MAPT: variants seen among roughly 807,000 people sequenced by gnomAD.
The protein encoded by MAPT is microtubule associated protein tau.
Under a neutral mutation model 67.9 loss-of-function variants are expected in MAPT, and 34 were observed. That is an observed-to-expected ratio of 0.50 (90% CI 0.38 to 0.67). The LOEUF (loss-of-function observed/expected upper bound fraction) is 0.67, where lower values mean the gene tolerates loss of function less well. Among genes scored for constraint, MAPT ranks in the 30% least tolerant of loss-of-function variants. The probability of loss-of-function intolerance (pLI) is 0.00; values close to 1 mark genes in which losing one functional copy is unlikely to be tolerated. For missense variants in MAPT, 881 were observed against 1,115.2 expected, an observed-to-expected ratio of 0.79 and a Z score of 2.99; for synonymous variants, 456 against 464.5, an observed-to-expected ratio of 0.98 and a Z score of 0.23.
At chr17:45,917,060 G>A (rs998266992) in intron 1 of MAPT, among the ~76,000 whole-genome samples, 29 of 152,222 alleles carry the variant, frequency 1.9e-4, no homozygotes, top group African/African-American at 6.8e-4. Flanking sequence ...GACAGACTTC[G>A]GTCATGGGAA....
At position 45,915,018 on chromosome 17, in the gene MAPT, T is replaced by C. The variant is rs2065081310; in HGVS notation, c.-18+20332T>C. 6.6e-6 allele frequency among the ~76,000 whole-genome samples: 1 copy of C among 152,112 alleles called. No individual in the cohort carries two copies. Among genetic ancestry groups the C allele is most frequent in the Admixed American group, 6.6e-5 (1 of 15,258 alleles). ...AACGTGAGTCACCCTGCCCAGCCAA[T>C]TGCTTTTTAAAAAAGATTAAATGCA... On this transcript the variant is annotated intron_variant, in intron 1 of 12. Coordinates refer to ENST00000262410, the MANE Select transcript of MAPT (RefSeq NM_001377265.1). This position sits in a 1 kb window ranked among gnomAD's most constrained non-coding sequence, Gnocchi z 4.4.
Position 46,024,100 on chromosome 17 carries a change from A to C in MAPT, c.2431A>C (p.Met811Leu). The stretch of plus-strand genomic sequence containing the variant: ...TGTCTCCTCCACCGGCAGCATCGAC[A>C]TGGTAGACTCGCCCCAGCTCGCCAC... ...SNVSSTGSID[M>L]VDSPQLATLA... Residue 811 changes from methionine to leucine, a missense_variant, in exon 13 of 13, where the codon ATG becomes CTG. Physicochemically the swap from Met to Leu is conservative, Grantham distance 15 (BLOSUM62 2). Around this residue, in one of 6 missense-constraint regions of MAPT, gnomAD observed 79 missense variants for 150.9 expected, o/e 0.52. Coordinates refer to ENST00000262410, the MANE Select transcript of MAPT (RefSeq NM_001377265.1). 6.2e-7 allele frequency: 1 copy of C among 1,614,154 alleles called. No homozygotes were observed.
chr17:45,962,515 A>G (rs201639461), intron 2 of MAPT, 45 bp downstream of exon 2: 1 of 1,609,630 alleles, frequency 6.2e-7, no homozygotes, highest in African/African-American at 1.3e-5. Flanking sequence ...ACTGCAAGCC[A>G]AGGGGTGGCG....
intron 7 of MAPT, chr17:45,990,425 C>G: frequency 2.3e-6 from 1 of 433,332 alleles, no homozygotes; most frequent in South Asian, 1.9e-5. Flanking sequence ...ACCAGCCTGG[C>G]TAACATGGCA....
rs1360914803 is a variant in MAPT, at chr17:45,996,087, T to A, written c.1733-312T>A. On this transcript the variant is annotated intron_variant, in intron 8 of 12. Coordinates refer to ENST00000262410, the MANE Select transcript of MAPT (RefSeq NM_001377265.1). This position sits in a 1 kb window ranked among gnomAD's most constrained non-coding sequence, Gnocchi z 4.5. ...ACTTGTCTGAGGCCACACAGCTTGT[T>A]GGAGCCCATCTCTTGACCCAAAGAC... 6.6e-6 allele frequency among the ~76,000 whole-genome samples: 1 copy of A among 152,232 alleles called. No homozygotes were observed. Among genetic ancestry groups the A allele is most frequent in the Non-Finnish European group, 1.5e-5 (1 of 68,042 alleles).
Position 45,987,084 on chromosome 17 carries a change from A to T in MAPT, c.1396A>T (p.Lys466Ter). The T allele has an allele frequency of 6.2e-7, 1 of 1,613,770 alleles. No individual in the cohort carries two copies. The highest frequency in any genetic ancestry group is 8.5e-7 in the Non-Finnish European group (1 of 1,179,722). Residue 466 changes from lysine to a stop codon, truncating the protein, a stop_gained, in exon 6 of 13, where the codon AAA becomes TAA. Transcript: ENST00000262410. LOFTEE classifies it high-confidence loss of function. ...CAAAGACGGGACTGGAAGCGATGACAAAAAAGCCAAGGTAAGCTGACGATG... is the reference window on the plus strand; with the variant it reads ...CAAAGACGGGACTGGAAGCGATGACTAAAAAGCCAAGGTAAGCTGACGATG... ...KSKDGTGSDD[K>*]KAKTSTRSSA...
At chr17:45,918,829 C>T (rs538826640) in intron 1 of MAPT, among the ~76,000 whole-genome samples, 15 of 152,088 alleles carry the variant, frequency 9.9e-5, no homozygotes, top group East Asian at 1.9e-4. Context: ...AGGCCAAGGC[C>T]GGCGGATCAC....
At position 45,987,006 on chromosome 17, in the gene MAPT, G is replaced by A. The variant is rs777619151; in HGVS notation, c.1352-34G>A. ...GCTTTCTGTGAACAGTGAAAATGGA[G>A]TGTGACAAGCATTCTTATTTTATAT... On this transcript the variant is annotated intron_variant, in intron 5 of 12. Transcript: ENST00000262410. 3.1e-6 allele frequency: 5 copies of A among 1,590,644 alleles called. No homozygotes were observed. The Admixed American group carries it at 8.4e-5, about 27-fold the overall frequency.
At chr17:45,990,356 G>C in intron 7 of MAPT, 1 of 514,872 alleles carries the variant, frequency 1.9e-6, no homozygotes, top group Non-Finnish European at 3.5e-6. Flanking sequence ...GCTCACACCT[G>C]TAATCCCAGC....
At chr17:45,931,228 G>A (rs2066823107) in intron 1 of MAPT, among the ~76,000 whole-genome samples, 1 of 152,122 alleles carries the variant, frequency 6.6e-6, no homozygotes, top group Non-Finnish European at 1.5e-5. Flanking sequence ...TTGACACCCA[G>A]CGCTGACCTT....
At chr17:46,006,787 G>T (rs946775944) in intron 9 of MAPT, among the ~76,000 whole-genome samples, 1 of 151,978 alleles carries the variant, frequency 6.6e-6, no homozygotes, top group Non-Finnish European at 1.5e-5. Flanking sequence ...GCCGGGCATG[G>T]TGGTGGGCGC....
intron 8 of MAPT, among the ~76,000 whole-genome samples, chr17:45,993,215 G>A (rs1015648647): frequency 1.3e-5 from 2 of 152,226 alleles, no homozygotes; most frequent in African/African-American, 4.8e-5. Flanking sequence ...CACATGCCGT[G>A]CAGTGGCACC....
intron 3 of MAPT, 184 bp downstream of exon 3, chr17:45,972,129 T>C: frequency 2.9e-6 from 2 of 699,290 alleles, no homozygotes; most frequent in Admixed American, 2.0e-5. Context: ...TGGTGCTGAG[T>C]GTGGGCACCT....
intron 9 of MAPT, chr17:45,999,275 G>C (rs751125054): frequency 6.2e-7 from 1 of 1,612,192 alleles, no homozygotes; most frequent in South Asian, 1.1e-5. Flanking sequence ...TCCCTAGTCT[G>C]GGCCATGAGT....
chr17:45,933,811 C>T (rs1374147383), intron 1 of MAPT, among the ~76,000 whole-genome samples: 1 of 149,720 alleles, frequency 6.7e-6, no homozygotes, highest in Non-Finnish European at 1.5e-5. Context: ...CAGTGCTCCA[C>T]GTGTCTTTGC....
At position 45,954,244 on chromosome 17, in the gene MAPT, G is replaced by A. The variant is rs143704049; in HGVS notation, c.-17-8077G>A. Among the ~76,000 whole-genome samples, 603 of 152,244 alleles carry A rather than the reference G, an allele frequency of 4.0e-3. 2 individuals carry two copies. The highest frequency in any genetic ancestry group is 0.013 in the African/African-American group (560 of 41,536). On this transcript the variant is annotated intron_variant, in intron 1 of 12. Coordinates refer to ENST00000262410, the MANE Select transcript of MAPT (RefSeq NM_001377265.1). ...CAGTCATGCTCATTTATTTATGCTC[G>A]ATGGCTGCTTTCCCGCTACAATTAC...
chr17:45,951,379 A>C (rs1055209180), intron 1 of MAPT, among the ~76,000 whole-genome samples: 3 of 152,244 alleles, frequency 2.0e-5, no homozygotes, highest in Non-Finnish European at 4.4e-5. Context: ...AATCAAAAAC[A>C]GTTGTTTGAA....
chr17:45,928,828 T>C (rs1022838227), intron 1 of MAPT, among the ~76,000 whole-genome samples: 6 of 152,198 alleles, frequency 3.9e-5, no homozygotes, highest in Admixed American at 1.3e-4. Flanking sequence ...CCTGAGTGGC[T>C]GGAACTACAA....
intron 1 of MAPT, chr17:45,898,695 CT>C (rs966846759): frequency 1.3e-5 from 2 of 152,142 alleles, no homozygotes; most frequent in African/African-American, 4.8e-5. Flanking sequence ...ACCTTGCCTT[CT>C]ATTGATGTAT....
Sources: allele counts gnomAD v4.1 joint callset (sites outside exome capture counted in the v4.1 genomes callset), GRCh38; gene constraint gnomAD v4.1.1; regional missense constraint gnomAD v4.1.1; non-coding constraint Gnocchi (gnomAD v3.1); transcripts MANE v1.5; gene names NCBI Gene and HGNC (gene_info 2026-07-23, HGNC 2026-07-21).